The following DISC1 variants were observed in gnomAD, a reference collection of about 807,000 sequenced individuals.
DISC1 encodes DISC1 scaffold protein, also known as disrupted in schizophrenia 1 protein.
A neutral mutation model predicts 84.5 loss-of-function variants in DISC1; 57 were observed. That is an observed-to-expected ratio of 0.67 (90% CI 0.55 to 0.84). DISC1 has a LOEUF of 0.84. Ranked by LOEUF, DISC1 falls within the 40% of genes least tolerant of loss-of-function variation. The pLI is 0.00. For synonymous variants in DISC1, 411 were observed against 415.2 expected, an observed-to-expected ratio of 0.99 and a Z score of 0.12; for missense variants, 1,000 against 1,057.8, an observed-to-expected ratio of 0.95 and a Z score of 0.76.
rs1391867501 is a variant in DISC1, at chr1:231,694,096, G to C, written c.338G>C (p.Gly113Ala). The C allele has an allele frequency of 6.2e-7, 1 of 1,614,224 alleles. No homozygotes were observed. The highest frequency in any genetic ancestry group is 8.5e-7 in the Non-Finnish European group (1 of 1,180,036). ...GCCCCTACTGTGACCTCTGTGAGAG[G>C]AACCTCGGCGCACTTTGGGATTCAG... ...AAAPTVTSVR[G>A]TSAHFGIQLR... is the part of the protein sequence containing the mutation. The change falls in exon 2 of 13, where the codon GGA (glycine) becomes GCA (alanine). Residue 113 changes from glycine (G) to alanine (A), a missense_variant. Physicochemically the swap from Gly to Ala is moderately conservative, Grantham distance 60 (BLOSUM62 0). Transcript: ENST00000439617.
At chr1:232,026,374 C>G (rs1278148004) in intron 11 of DISC1, 61 bp from the exon 12 acceptor site, 2 of 1,202,058 alleles carry the variant, frequency 1.7e-6, no homozygotes, top group African/African-American at 3.0e-5. Flanking sequence ...GGAAGCTTCC[C>G]TTTGTGTTCT....
chr1:231,651,737 C>T (rs1162201447), intron 1 of DISC1, among the ~76,000 whole-genome samples: 1 of 152,238 alleles, frequency 6.6e-6, no homozygotes, highest in Non-Finnish European at 1.5e-5. Flanking sequence ...CTGCGGTGGG[C>T]TCCGCCCAGT....
intron 9 of DISC1, among the ~76,000 whole-genome samples, chr1:231,867,008 A>G (rs1450099900): frequency 6.6e-6 from 1 of 152,212 alleles, no homozygotes; most frequent in African/African-American, 2.4e-5. Context: ...ACAGAATAAA[A>G]ATAACACATA....
At chr1:232,020,148 C>T (rs1668830438) in intron 11 of DISC1, among the ~76,000 whole-genome samples, 1 of 152,020 alleles carries the variant, frequency 6.6e-6, no homozygotes, top group Non-Finnish European at 1.5e-5. Flanking sequence ...TCGAGACCAG[C>T]CTGACCAACA....
Position 231,694,381 on chromosome 1 carries a change from C to G in DISC1, c.623C>G (p.Ser208Ter). The change falls in exon 2 of 13, where the codon TCA (serine) becomes TGA (stop). Residue 208 changes from serine (S) to a stop codon, truncating the protein, a stop_gained. Transcript: ENST00000439617. LOFTEE classifies it high-confidence loss of function. ...CCTGGCTCTCACAGTGCCTTTACCTCAAGCTTTAGCTTTATTCGGCTCTCG... is the reference window on the plus strand; with the variant it reads ...CCTGGCTCTCACAGTGCCTTTACCTGAAGCTTTAGCTTTATTCGGCTCTCG... The part of the protein sequence containing the change: ...TPPGSHSAFT[S>*]SFSFIRLSLG... 2 of 1,614,278 alleles carry G rather than the reference C, an allele frequency of 1.2e-6. No individual in the cohort carries two copies. Among genetic ancestry groups the G allele is most frequent in the Non-Finnish European group, 1.7e-6 (2 of 1,180,048 alleles).
At chr1:231,734,030 G>A (rs909877323) in intron 3 of DISC1, among the ~76,000 whole-genome samples, 1 of 151,930 alleles carries the variant, frequency 6.6e-6, no homozygotes, top group African/African-American at 2.4e-5. Flanking sequence ...TGGTGTTGGT[G>A]ATGGTGGGAA....
Position 231,694,391 on chromosome 1 carries a change from C to T in DISC1, c.633C>T (p.Ser211=). The T allele has an allele frequency of 6.2e-7, 1 of 1,614,248 alleles. No homozygotes were observed. Among genetic ancestry groups the T allele is most frequent in the Admixed American group, 1.7e-5 (1 of 60,034 alleles). ...GSHSAFTSSF[S]FIRLSLGSAG... ...ACAGTGCCTTTACCTCAAGCTTTAG[C>T]TTTATTCGGCTCTCGCTTGGCTCTG... The change falls in exon 2 of 13, where the codon AGC becomes AGT. Residue 211 remains serine (S), a synonymous_variant. Transcript: ENST00000439617.
At chr1:231,840,515 C>G (rs138424069) in intron 9 of DISC1, among the ~76,000 whole-genome samples, 1 of 152,100 alleles carries the variant, frequency 6.6e-6, no homozygotes, top group Non-Finnish European at 1.5e-5. Flanking sequence ...GGCTGCATCT[C>G]AAATGCATTG....
rs566464357 is a variant in DISC1, at chr1:231,808,634, G to T, written c.1792+8424G>T. ...TACTGCGTGCCTTTCATAGGATGCT[G>T]CTTTTACCTGGTAGATGGCCCAATG... On this transcript the variant is annotated intron_variant, in intron 8 of 12. Transcript: ENST00000439617. 1.1e-4 allele frequency among the ~76,000 whole-genome samples: 17 copies of T among 152,362 alleles called. No individual in the cohort carries two copies. In the South Asian group the frequency reaches 2.7e-3, roughly 24 times the overall value.
chr1:231,679,600 T>C (rs1272933940), intron 1 of DISC1, among the ~76,000 whole-genome samples: 4 of 152,244 alleles, frequency 2.6e-5, no homozygotes, highest in African/African-American at 9.6e-5. Flanking sequence ...CCCCAGAGAC[T>C]TATTCTTAAC....
At chr1:231,912,866 T>TTTCC (rs991890107) in intron 9 of DISC1, among the ~76,000 whole-genome samples, 5 of 150,158 alleles carry the variant, frequency 3.3e-5, no homozygotes, top group East Asian at 3.9e-4. Flanking sequence ...CTCCTCCTTC[T>TTTCC]TTCCTTCCTT....
chr1:231,887,095 C>T (rs1393249955), intron 9 of DISC1, among the ~76,000 whole-genome samples: 8 of 152,038 alleles, frequency 5.3e-5, no homozygotes, highest in Admixed American at 6.6e-5. Flanking sequence ...CTCTTGACCT[C>T]GTGATCCACC....
intron 1 of DISC1, among the ~76,000 whole-genome samples, chr1:231,635,810 A>G (rs190478984): frequency 1.3e-5 from 2 of 152,326 alleles, no homozygotes; most frequent in Admixed American, 1.3e-4. Flanking sequence ...AAATATATAT[A>G]CTTATGTTTG....
intron 9 of DISC1, among the ~76,000 whole-genome samples, chr1:231,934,576 AT>A (rs2090869592): frequency 6.6e-6 from 1 of 152,170 alleles, no homozygotes; most frequent in Admixed American, 6.5e-5. Flanking sequence ...TTTAGTATTA[AT>A]TTTTCTTAAA....
intron 1 of DISC1, among the ~76,000 whole-genome samples, chr1:231,676,815 A>G (rs558106903): frequency 6.6e-6 from 1 of 152,362 alleles, no homozygotes; most frequent in African/African-American, 2.4e-5. Flanking sequence ...AGCTCATTCT[A>G]GAGAAAAACA....
At chr1:231,634,981 C>A (rs576001687) in intron 1 of DISC1, among the ~76,000 whole-genome samples, 1 of 152,206 alleles carries the variant, frequency 6.6e-6, no homozygotes, top group Admixed American at 6.5e-5. Context: ...CAAGGGCCAT[C>A]CAGTCTAGAG....
chr1:232,031,448 A>AGGAGAAGGGAAG lies in DISC1; in HGVS notation c.2425+4913_2425+4924dup, dbSNP rs536386211. ...AGGGAAAGGAGAAGGGAAAAGGGAA[A>AGGAGAAGGGAAG]GGAGAAGGGAAGGGAGAAGGGAAGG... On this transcript the variant is annotated intron_variant, in intron 12 of 12. Transcript: ENST00000439617. This position sits in a 1 kb window ranked among gnomAD's most constrained non-coding sequence, Gnocchi z 4.6. Among the ~76,000 whole-genome samples, 5 of 150,506 alleles carry AGGAGAAGGGAAG rather than the reference A, an allele frequency of 3.3e-5. No individual in the cohort carries two copies. Among genetic ancestry groups the AGGAGAAGGGAAG allele is most frequent in the African/African-American group, 1.2e-4 (5 of 40,848 alleles).
chr1:231,910,648 T>G (rs529233685), intron 9 of DISC1, among the ~76,000 whole-genome samples: 23 of 152,208 alleles, frequency 1.5e-4, no homozygotes, highest in Admixed American at 1.5e-3. Context: ...GAATGTATAT[T>G]CTGTTGATTT....
intron 9 of DISC1, among the ~76,000 whole-genome samples, chr1:231,886,766 C>CCTTCCTTTCTTTCTTT (rs1322835316): frequency 5.9e-5 from 5 of 84,434 alleles, no homozygotes; most frequent in African/African-American, 9.2e-5. Context: ...TTCCTTCCTT[C>CCTTCCTTTCTTTCTTT]CTTTCTTTCT....
Sources: allele counts gnomAD v4.1 joint callset (sites outside exome capture counted in the v4.1 genomes callset), GRCh38; gene constraint gnomAD v4.1.1; non-coding constraint Gnocchi (gnomAD v3.1); transcripts MANE v1.5; gene names NCBI Gene and HGNC (gene_info 2026-07-23, HGNC 2026-07-21).